STRC: variants seen among roughly 807,000 people sequenced by gnomAD.
STRC encodes stereocilin.
Under a neutral mutation model 103.5 loss-of-function variants are expected in STRC, and 43 were observed. The observed-to-expected ratio is 0.42, with a 90% CI of 0.33 to 0.54. STRC has a LOEUF of 0.54. STRC is among the 20% of genes least tolerant of loss of function. The pLI, the probability that STRC is intolerant of heterozygous loss-of-function variation, is 0.14. For missense variants in STRC, 499 were observed against 1,088.5 expected (o/e 0.46, Z 7.62); for synonymous variants, 186 against 442.3 (o/e 0.42, Z 7.27).
At chr15:43,611,026 G>A (rs3889172) in intron 13 of STRC, 42 bp from the exon 14 acceptor site, 35 of 1,610,938 alleles carry the variant, frequency 2.2e-5, no homozygotes, top group Non-Finnish European at 2.9e-5. Flanking sequence ...GTGTGTGTGT[G>A]TGTGTGTGTG....
chr15:43,605,514 A>C, intron 18 of STRC, 115 bp from the exon 19 acceptor site: 1 of 1,528,986 alleles, frequency 6.5e-7, no homozygotes, highest in Non-Finnish European at 8.8e-7. Flanking sequence ...AATTTAGTGA[A>C]GCTGGACAGG....
chr15:43,603,017 A>G (rs1340075614), intron 23 of STRC, among the ~76,000 whole-genome samples: 1 of 151,930 alleles, frequency 6.6e-6, no homozygotes, highest in African/African-American at 2.4e-5. Flanking sequence ...TGATCGTGAT[A>G]TGCATTAAAA....
chr15:43,600,657 G>A lies in STRC; in HGVS notation c.4870C>T (p.Leu1624=). ...TGTTCCTCAGAGCACTGGAGATGCA[G>A]GGTGCCGAGGAAGAGAGCTGCTTGG... The part of the protein sequence containing the change: ...FSQAALFLGT[L]HLQCSEEQLE... Residue 1624 remains leucine, a synonymous_variant, in exon 26 of 29, where the codon CTG becomes TTG. Coordinates refer to ENST00000450892, the MANE Select transcript of STRC (RefSeq NM_153700.2). 1.2e-6 allele frequency: 2 copies of A among 1,613,744 alleles called. No individual in the cohort carries two copies. Among genetic ancestry groups the A allele is most frequent in the East Asian group, 2.2e-5 (1 of 44,868 alleles).
At chr15:43,613,331 GTTT>G in intron 7 of STRC, 100 bp from the exon 8 acceptor site, 1 of 376,254 alleles carries the variant, frequency 2.7e-6, no homozygotes, top group South Asian at 2.1e-5. Flanking sequence ...GACTCTCCCT[GTTT>G]TTTTGTTTTG....
At chr15:43,604,220 GT>G in intron 21 of STRC, 68 bp from the exon 22 acceptor site, 1 of 1,604,426 alleles carries the variant, frequency 6.2e-7, no homozygotes, top group Non-Finnish European at 8.5e-7. Flanking sequence ...ATAGCTCTAA[GT>G]CCAAAGTCCT....
At chr15:43,605,124 G>A in intron 19 of STRC, 140 bp downstream of exon 19, 1 of 1,527,780 alleles carries the variant, frequency 6.5e-7, no homozygotes, top group South Asian at 1.2e-5. Flanking sequence ...GGCAAAACAG[G>A]GGCCAGGCCT....
intron 16 of STRC, among the ~76,000 whole-genome samples, chr15:43,608,999 C>T (rs1430377106): frequency 1.3e-5 from 2 of 148,976 alleles, no homozygotes; most frequent in African/African-American, 5.1e-5. Context: ...AAAACTGACA[C>T]AGGGACGTTA....
intron 18 of STRC, 71 bp from the exon 19 acceptor site, chr15:43,605,470 C>T: frequency 6.4e-7 from 1 of 1,553,192 alleles, no homozygotes; most frequent in Non-Finnish European, 8.7e-7. Flanking sequence ...CCACAAAACC[C>T]CACAGTCCGC....
chr15:43,605,159 C>A (rs2085702842), intron 19 of STRC, 105 bp downstream of exon 19: 2 of 1,552,448 alleles, frequency 1.3e-6, no homozygotes, highest in Middle Eastern at 2.2e-4. Context: ...TGTTTGGCAG[C>A]AAGAAAGCAA....
In STRC at chr15:43,608,062, C is replaced by A; in HGVS notation, c.3681+18G>T. ...CCAGCCTCCCTGCTCCCACTAAAGT[C>A]CAGGCACCCCCTCTCACCAGGCTCC... On this transcript the variant is annotated intron_variant, in intron 17 of 28. Transcript: ENST00000450892. The A allele has an allele frequency of 3.1e-6, 5 of 1,610,770 alleles. No individual in the cohort carries two copies. Among genetic ancestry groups the A allele is most frequent in the Non-Finnish European group, 4.2e-6 (5 of 1,179,456 alleles).
At chr15:43,602,063 CA>C (rs2085673423) in intron 23 of STRC, among the ~76,000 whole-genome samples, 1 of 127,966 alleles carries the variant, frequency 7.8e-6, no homozygotes, top group African/African-American at 3.2e-5. Context: ...TACAGTGAGC[CA>C]AGATCACACC....
intron 24 of STRC, 31 bp downstream of exon 24, chr15:43,601,365 G>C (rs777067338): frequency 1.9e-6 from 3 of 1,611,902 alleles, no homozygotes; most frequent in South Asian, 2.2e-5. Context: ...ATGGGTGTTT[G>C]GGAAGCCGTA....
rs1357790976 is a variant in STRC at position 43,609,273 on chromosome 15, C to G, written c.3557+3G>C. 6.2e-7 allele frequency: 1 copy of G among 1,610,258 alleles called. No individual in the cohort carries two copies. The highest frequency in any genetic ancestry group is 1.7e-5 in the Admixed American group (1 of 59,912). ...AGCGCACTGCTCAACACAAGTTACT[C>G]ACTGCAGATTCCTGAGGGTAAGGTT... On this transcript the variant is annotated splice_donor_region_variant and intron_variant, in intron 16 of 28. Transcript: ENST00000450892.
At chr15:43,603,718 C>G in intron 22 of STRC, 1 of 677,140 alleles carries the variant, frequency 1.5e-6, no homozygotes, top group Non-Finnish European at 2.4e-6. Flanking sequence ...GGGATCTCCC[C>G]AGCAGAGAGC....
At chr15:43,605,498 A>G (rs1449423540) in intron 18 of STRC, 99 bp from the exon 19 acceptor site, 10 of 1,541,618 alleles carry the variant, frequency 6.5e-6, no homozygotes, top group Non-Finnish European at 7.9e-6. Context: ...ATGTGACCCC[A>G]GACCAAATTT....
intron 15 of STRC, chr15:43,610,009 G>A: frequency 9.7e-6 from 3 of 310,774 alleles, no homozygotes; most frequent in South Asian, 7.8e-5. Flanking sequence ...GGGTGACAGA[G>A]CAAGACTTCA....
intron 25 of STRC, 86 bp from the exon 26 acceptor site, chr15:43,600,768 A>G: frequency 1.9e-6 from 3 of 1,612,586 alleles, no homozygotes; most frequent in South Asian, 2.2e-5. Context: ...GATGGCTTCA[A>G]ATGAGTTCCC....
At position 43,603,260 on chromosome 15, in the gene STRC, G is replaced by A; in HGVS notation, c.4527C>T (p.Ala1509=). The change falls in exon 23 of 29, where the codon GCC becomes GCT. Residue 1509 remains alanine (A), a synonymous_variant. Transcript: ENST00000450892. ...CCCTAACCTGTTTTGCTTTGCCCATGGCTGCCCGCAGTTCCTCAGGCCCAA... is the reference window on the plus strand; with the variant it reads ...CCCTAACCTGTTTTGCTTTGCCCATAGCTGCCCGCAGTTCCTCAGGCCCAA... ...PGLGPEELRA[A]MGKAKQLWGP... 1 of 1,613,582 alleles carries A rather than the reference G, an allele frequency of 6.2e-7. No individual in the cohort carries two copies. The highest frequency in any genetic ancestry group is 8.5e-7 in the Non-Finnish European group (1 of 1,179,794).
At chr15:43,603,645 T>G (rs370837733) in intron 22 of STRC, 9 of 639,166 alleles carry the variant, frequency 1.4e-5, no homozygotes, top group African/African-American at 1.3e-4. Flanking sequence ...TTCAGAGATT[T>G]AATGGTAGCA....
Sources: gnomAD v4.1 joint callset for allele counts (sites outside exome capture counted in the v4.1 genomes callset) on GRCh38, gnomAD v4.1.1 for gene constraint, MANE v1.5 for transcripts, NCBI Gene and HGNC (gene_info 2026-07-23, HGNC 2026-07-21) for gene names.